The following ANK3 variants were observed in gnomAD, a reference collection of about 807,000 sequenced individuals.
ANK3 encodes the protein ankyrin-3.
In ANK3, 57 loss-of-function variants were observed where a neutral mutation model predicts 370.9. That is an observed-to-expected ratio of 0.15 (90% CI 0.12 to 0.19). ANK3 has a LOEUF of 0.19. Among genes scored for constraint, ANK3 ranks in the 10% least tolerant of loss-of-function variants. The pLI is 1.00. For synonymous variants in ANK3, 1,929 were observed against 1,946.3 expected (o/e 0.99, Z 0.23); for missense variants, 4,439 against 5,302.1 (o/e 0.84, Z 5.06).
At chr10:60,187,687 G>A (rs879438331) in intron 16 of ANK3, among the ~76,000 whole-genome samples, 2 of 152,084 alleles carry the variant, frequency 1.3e-5, no homozygotes, top group African/African-American at 2.4e-5. Context: ...CTGCTTACAA[G>A]TTGAAATTTT....
intron 2 of ANK3, among the ~76,000 whole-genome samples, chr10:60,601,966 T>A (rs564279662): frequency 6.6e-6 from 1 of 152,290 alleles, no homozygotes; most frequent in East Asian, 1.9e-4. Context: ...ATAGATGCAG[T>A]CATAAAAAGC....
At chr10:60,715,198 T>G (rs1407768613) in intron 1 of ANK3, among the ~76,000 whole-genome samples, 1 of 134,490 alleles carries the variant, frequency 7.4e-6, no homozygotes, top group East Asian at 2.2e-4. Flanking sequence ...TTCTATTATA[T>G]ATATTTACAT....
chr10:60,334,035 T>A (rs2052145193), intron 1 of ANK3, among the ~76,000 whole-genome samples: 1 of 152,160 alleles, frequency 6.6e-6, no homozygotes, highest in Admixed American at 6.5e-5. Context: ...CTCACAGGAA[T>A]TTCGGCAGAG....
chr10:60,628,558 G>A (rs1475927064), intron 1 of ANK3, among the ~76,000 whole-genome samples: 3 of 152,214 alleles, frequency 2.0e-5, no homozygotes, highest in African/African-American at 7.2e-5. Flanking sequence ...TGTCCCACGG[G>A]AAACCCCAGC....
intron 2 of ANK3, among the ~76,000 whole-genome samples, chr10:60,535,461 G>T (rs990458863): frequency 8.6e-5 from 13 of 151,974 alleles, no homozygotes; most frequent in Non-Finnish European, 1.6e-4. Flanking sequence ...TTTTCCCTTT[G>T]AATATATGCC....
At chr10:60,710,170 G>T (rs991078538) in intron 1 of ANK3, among the ~76,000 whole-genome samples, 2 of 152,096 alleles carry the variant, frequency 1.3e-5, no homozygotes, top group Non-Finnish European at 2.9e-5. Flanking sequence ...ACTTTTTACT[G>T]CAATACACAA....
At chr10:60,571,744 C>A (rs919518316) in intron 2 of ANK3, among the ~76,000 whole-genome samples, 3 of 152,132 alleles carry the variant, frequency 2.0e-5, no homozygotes, top group African/African-American at 7.2e-5. Context: ...AGAGAATTAT[C>A]TTTTTTCCCC....
intron 1 of ANK3, among the ~76,000 whole-genome samples, chr10:60,648,580 C>G (rs192280745): frequency 2.0e-5 from 3 of 149,802 alleles, no homozygotes; most frequent in East Asian, 4.0e-4. Context: ...ACCAGCCTGG[C>G]CAACATAGTG....
At chr10:60,227,722 T>A (rs2097184491) in intron 8 of ANK3, among the ~76,000 whole-genome samples, 2 of 152,292 alleles carry the variant, frequency 1.3e-5, no homozygotes, top group African/African-American at 4.8e-5. Flanking sequence ...TAATGATTTT[T>A]AAAATATTTC....
At chr10:60,555,337 G>C (rs903532298) in intron 2 of ANK3, among the ~76,000 whole-genome samples, 1 of 152,002 alleles carries the variant, frequency 6.6e-6, no homozygotes, top group African/African-American at 2.4e-5. Flanking sequence ...GCTGGATGTG[G>C]TGGTGTGTAC....
chr10:60,103,186 G>C (rs1010474842), intron 28 of ANK3, among the ~76,000 whole-genome samples: 1 of 152,074 alleles, frequency 6.6e-6, no homozygotes, highest in Non-Finnish European at 1.5e-5. Context: ...TCTTGACTTC[G>C]TGATCCACTT....
At chr10:60,454,742 T>C (rs780520826) in intron 2 of ANK3, among the ~76,000 whole-genome samples, 2 of 152,150 alleles carry the variant, frequency 1.3e-5, no homozygotes, top group Admixed American at 1.3e-4. Flanking sequence ...TGACTTGAAG[T>C]TGTTCGAGTT....
intron 1 of ANK3, among the ~76,000 whole-genome samples, chr10:60,727,795 C>A (rs2079962927): frequency 6.6e-6 from 1 of 151,914 alleles, no homozygotes; most frequent in Admixed American, 6.6e-5. Flanking sequence ...GAGACCTAAT[C>A]AACTATTCTC....
chr10:60,323,030 A>G (rs2049014195), intron 1 of ANK3, among the ~76,000 whole-genome samples: 1 of 152,160 alleles, frequency 6.6e-6, no homozygotes, highest in Non-Finnish European at 1.5e-5. Context: ...GGATATCCCC[A>G]CAAGCAGACC....
intron 2 of ANK3, among the ~76,000 whole-genome samples, chr10:60,501,443 G>A (rs1464331143): frequency 3.3e-5 from 5 of 152,140 alleles, no homozygotes; most frequent in Non-Finnish European, 7.3e-5. Context: ...AGCGGCTCAC[G>A]CCTGTAATCT....
At chr10:60,140,972 G>T in intron 23 of ANK3, 4 of 985,500 alleles carry the variant, frequency 4.1e-6, no homozygotes, top group Non-Finnish European at 4.8e-6. Flanking sequence ...CCCAGGCGGG[G>T]AGTGGCATGG....
chr10:60,413,451 C>T lies in ANK3; in HGVS notation c.97-133812G>A, dbSNP rs534135805. ...TATACTGACAATCTTCTCTAGTTCC[C>T]AAGGTAGTTATTGAGTAACTTCTCT... On this transcript the variant is annotated intron_variant, in intron 2 of 43. Transcript: ENST00000373827. Among the ~76,000 whole-genome samples, 7 of 152,278 alleles carry T rather than the reference C, an allele frequency of 4.6e-5. No individual in the cohort carries two copies. The South Asian group carries it at 1.4e-3, about 32-fold the overall frequency.
intron 2 of ANK3, among the ~76,000 whole-genome samples, chr10:60,591,509 G>C (rs1022293583): frequency 2.0e-5 from 3 of 151,810 alleles, no homozygotes; most frequent in Non-Finnish European, 4.4e-5. Context: ...ATGGAGAACA[G>C]TTTGTAGGTT....
chr10:60,143,758 A>G (rs1278969459), intron 23 of ANK3, among the ~76,000 whole-genome samples: 1 of 152,200 alleles, frequency 6.6e-6, no homozygotes, highest in African/African-American at 2.4e-5. Flanking sequence ...TTTGAACAGT[A>G]AAATTTGGCA....
Sources: allele counts gnomAD v4.1 joint callset (sites outside exome capture counted in the v4.1 genomes callset), GRCh38; gene constraint gnomAD v4.1.1; transcripts MANE v1.5; gene names NCBI Gene and HGNC (gene_info 2026-07-23, HGNC 2026-07-21).